The following STAB2 variants were observed in gnomAD, a reference collection of about 807,000 sequenced individuals.
The protein encoded by STAB2 is stabilin 2, also known as stabilin-2.
Under a neutral mutation model 338.1 loss-of-function variants are expected in STAB2, and 288 were observed. That is an observed-to-expected ratio of 0.85 (90% CI 0.77 to 0.94). The LOEUF (loss-of-function observed/expected upper bound fraction) is 0.94. STAB2 is among the 40% of genes least tolerant of loss of function. STAB2 has a pLI of 0.00. For synonymous variants in STAB2, 1,202 were observed against 1,193.3 expected, an observed-to-expected ratio of 1.01 and a Z score of -0.15; for missense variants, 3,141 against 3,210.1, an observed-to-expected ratio of 0.98 and a Z score of 0.52.
At chr12:103,625,132 G>A (rs1294067477) in intron 5 of STAB2, among the ~76,000 whole-genome samples, 1 of 152,178 alleles carries the variant, frequency 6.6e-6, no homozygotes, top group African/African-American at 2.4e-5. Context: ...ATGGGAAGGA[G>A]TAAATAAAGC....
At chr12:103,627,559 G>T (rs977661488) in intron 5 of STAB2, among the ~76,000 whole-genome samples, 2 of 152,248 alleles carry the variant, frequency 1.3e-5, no homozygotes, top group Non-Finnish European at 2.9e-5. Context: ...GAAACCCTCT[G>T]CCACTTACGT....
chr12:103,651,793 G>C lies in STAB2; in HGVS notation c.1258-763G>C, dbSNP rs1302856110. Among the ~76,000 whole-genome samples, 3 of 152,194 alleles carry C rather than the reference G, an allele frequency of 2.0e-5. No individual in the cohort carries two copies. The East Asian group carries it at 5.8e-4, about 29-fold the overall frequency. On this transcript the variant is annotated intron_variant, in intron 11 of 68. Coordinates refer to ENST00000388887, the MANE Select transcript of STAB2 (RefSeq NM_017564.10). ...AATAAAAATGAAAAAATAAAATTGA[G>C]TTATCTTAATCCAAGATATTTTGTG... is the stretch of plus-strand genomic sequence containing the variant.
intron 68 of STAB2, among the ~76,000 whole-genome samples, chr12:103,765,742 G>A (rs543908083): frequency 1.3e-4 from 14 of 108,686 alleles, no homozygotes; most frequent in Non-Finnish European, 2.3e-4. Context: ...AGGTTTCACC[G>A]TGTTGCTCAG....
intron 47 of STAB2, 94 bp downstream of exon 47, chr12:103,727,444 G>A: frequency 1.4e-6 from 2 of 1,414,016 alleles, no homozygotes; most frequent in Non-Finnish European, 2.0e-6. Context: ...ATGTTTCTAA[G>A]CAGGAGCTCT....
At chr12:103,596,371 A>C (rs780456613) in intron 3 of STAB2, among the ~76,000 whole-genome samples, 3 of 152,214 alleles carry the variant, frequency 2.0e-5, no homozygotes, top group Non-Finnish European at 4.4e-5. Flanking sequence ...GAAAACAGCC[A>C]GGAGGGCAAA....
At chr12:103,748,051 G>A (rs1392881489) in intron 58 of STAB2, among the ~76,000 whole-genome samples, 2 of 151,344 alleles carry the variant, frequency 1.3e-5, no homozygotes, top group African/African-American at 4.9e-5. Context: ...TAGGTATTGA[G>A]GAAAAATCAG....
At chr12:103,688,104 C>T in intron 27 of STAB2, 64 bp from the exon 28 acceptor site, 1 of 1,520,332 alleles carries the variant, frequency 6.6e-7, no homozygotes, top group Non-Finnish European at 9.1e-7. Context: ...GATTGCACTT[C>T]TCATTGTTCT....
chr12:103,605,197 A>C lies in STAB2; in HGVS notation c.331+10687A>C, dbSNP rs146330344. On this transcript the variant is annotated intron_variant, in intron 3 of 68. Transcript: ENST00000388887. ...CAAATATGTTTCTTTTATTCAGTGA[A>C]TGCAAATTAAGATATCAAATTTGTG... Among the ~76,000 whole-genome samples, 48 of 152,042 alleles carry C rather than the reference A, an allele frequency of 3.2e-4. 1 individual carries two copies. Among genetic ancestry groups the C allele is most frequent in the African/African-American group, 1.1e-3 (46 of 41,558 alleles).
intron 56 of STAB2, among the ~76,000 whole-genome samples, chr12:103,743,053 G>A (rs1467556920): frequency 2.5e-5 from 3 of 122,336 alleles, no homozygotes; most frequent in Admixed American, 1.0e-4. Flanking sequence ...ACAGAGTTTC[G>A]CTCTTGTTGC....
intron 5 of STAB2, among the ~76,000 whole-genome samples, chr12:103,628,711 C>T (rs181372744): frequency 3.3e-5 from 5 of 152,142 alleles, no homozygotes; most frequent in African/African-American, 9.6e-5. Flanking sequence ...ATGAGGACAC[C>T]AGTCAAATTG....
chr12:103,749,289 G>C, intron 59 of STAB2, 133 bp downstream of exon 59: 1 of 1,079,098 alleles, frequency 9.3e-7, no homozygotes, highest in African/African-American at 1.6e-5. Flanking sequence ...TCTGTTTCTT[G>C]TTAAAAGTCA....
chr12:103,703,944 A>G (rs903197325), intron 35 of STAB2, among the ~76,000 whole-genome samples: 1 of 152,206 alleles, frequency 6.6e-6, no homozygotes, highest in Non-Finnish European at 1.5e-5. Flanking sequence ...CAGAGAGGTT[A>G]ACTAATACAT....
intron 3 of STAB2, among the ~76,000 whole-genome samples, chr12:103,608,119 G>A (rs1262932762): frequency 6.6e-6 from 1 of 152,138 alleles, no homozygotes; most frequent in African/African-American, 2.4e-5. Context: ...GTTTTGATTT[G>A]CATTTCTCTG....
At chr12:103,646,868 G>T (rs1391147802) in intron 9 of STAB2, among the ~76,000 whole-genome samples, 3 of 152,190 alleles carry the variant, frequency 2.0e-5, no homozygotes, top group African/African-American at 7.2e-5. Flanking sequence ...GGTGGATAGG[G>T]TTGTGATAGA....
At chr12:103,705,401 T>C (rs1034982205) in intron 36 of STAB2, among the ~76,000 whole-genome samples, 3 of 152,230 alleles carry the variant, frequency 2.0e-5, no homozygotes, top group African/African-American at 7.2e-5. Context: ...GTTCTTTTCA[T>C]GGAGTACTAC....
At chr12:103,664,798 C>T (rs865978058) in intron 18 of STAB2, among the ~76,000 whole-genome samples, 1 of 152,166 alleles carries the variant, frequency 6.6e-6, no homozygotes, top group Non-Finnish European at 1.5e-5. Context: ...CCACAGAGGA[C>T]GGAGCTGATC....
rs1426474392 is a variant in STAB2 at position 103,758,030 on chromosome 12, GAC to G, written c.6988-136_6988-135del. ...AAACTCTCCCACGGCGCAGGCAGAA[GAC>G]ACAGCAAAGGAGCAGCAGGCTGAGT... On this transcript the variant is annotated intron_variant, in intron 63 of 68. Transcript: ENST00000388887. The G allele has an allele frequency of 1.5e-5, 19 of 1,266,636 alleles. No homozygotes were observed. In the Middle Eastern group the frequency reaches 8.1e-4, roughly 54 times the overall value. 78.5% of individuals were successfully genotyped at this position (1,266,636 alleles called of 1,614,324 possible).
intron 18 of STAB2, among the ~76,000 whole-genome samples, chr12:103,665,442 G>A (rs565213784): frequency 1.0e-3 from 156 of 152,280 alleles, no homozygotes; most frequent in African/African-American, 3.2e-3. Context: ...CTAAGGAAAC[G>A]AATAAGTTTT....
chr12:103,750,002 T>C (rs1346993805), intron 59 of STAB2, among the ~76,000 whole-genome samples: 1 of 152,202 alleles, frequency 6.6e-6, no homozygotes, highest in East Asian at 1.9e-4. Context: ...CTGTGTGACC[T>C]GGAGGTGGCT....
Sources: gnomAD v4.1 joint callset for allele counts (sites outside exome capture counted in the v4.1 genomes callset) on GRCh38, gnomAD v4.1.1 for gene constraint, MANE v1.5 for transcripts, NCBI Gene and HGNC (gene_info 2026-07-23, HGNC 2026-07-21) for gene names.